RHOBTB2: variants seen among roughly 807,000 people sequenced by gnomAD.
RHOBTB2 encodes rho-related BTB domain-containing protein 2.
In RHOBTB2, 39 loss-of-function variants were observed where a neutral mutation model predicts 66.5. The ratio of observed to expected loss-of-function variants is 0.59; its 90% CI spans 0.45 to 0.77. RHOBTB2 has a LOEUF of 0.77. Ranked by LOEUF, RHOBTB2 falls within the 30% of genes least tolerant of loss-of-function variation. The pLI, the probability that RHOBTB2 is intolerant of heterozygous loss-of-function variation, is 0.00. For synonymous variants in RHOBTB2, 390 were observed against 395.0 expected (o/e 0.99, Z 0.15); for missense variants, 755 against 999.1 (o/e 0.76, Z 3.29).
upstream of RHOBTB2, among the ~76,000 whole-genome samples, chr8:22,986,195 G>C (rs1810285790): frequency 6.7e-6 from 1 of 150,116 alleles, no homozygotes; most frequent in Non-Finnish European, 1.5e-5. Flanking sequence ...TGAGGCACTT[G>C]GTAAGGGGTT....
At position 23,000,085 on chromosome 8, in the gene RHOBTB2, C is replaced by T; in HGVS notation, c.-31C>T. Reference sequence around the variant, plus strand: ...GAGATGTGTTCCTCACGCTAGAAGCCACCCCGTCACATGTAGTGGTGTAAG... The same window carrying T: ...GAGATGTGTTCCTCACGCTAGAAGCTACCCCGTCACATGTAGTGGTGTAAG... On this transcript the variant is annotated 5_prime_UTR_variant, in exon 1 of 10. Transcript: ENST00000251822. The T allele has an allele frequency of 1.0e-6, 1 of 985,470 alleles. No homozygotes were observed. The highest frequency in any genetic ancestry group is 1.7e-5 in the African/African-American group (1 of 57,358). 61.0% of individuals were successfully genotyped at this position (985,470 alleles called of 1,614,324 possible). A position where few individuals can be genotyped will look rare whatever the true frequency, so the allele number is the denominator to read the frequency against.
rs1266289437 is a variant in RHOBTB2, at chr8:23,018,614, G to A, written c.*1145G>A. ...GGGCAACACAGGGGCCTGGCCTCTA[G>A]AGGGCTGGTGATTGAGGGGCCCGGG... On this transcript the variant is annotated 3_prime_UTR_variant, in exon 10 of 10. Coordinates refer to ENST00000251822, the MANE Select transcript of RHOBTB2 (RefSeq NM_015178.3). 1 of 152,368 alleles carries A rather than the reference G, an allele frequency of 6.6e-6. No individual in the cohort carries two copies. The highest frequency in any genetic ancestry group is 1.9e-4 in the East Asian group (1 of 5,198). 9.4% of individuals were successfully genotyped at this position (152,368 alleles called of 1,614,324 possible).
rs114385344 is a variant in RHOBTB2 at position 23,019,339 on chromosome 8, A to G, written c.*1870A>G. ...ATGTTGTCCAGGCCCAGGCCCCTCC[A>G]GGACTGTGGCTGCCTCCCCTCCACG... On this transcript the variant is annotated 3_prime_UTR_variant, in exon 10 of 10. Transcript: ENST00000251822. The G allele has an allele frequency of 0.034, 5,129 of 153,018 alleles. 168 individuals carry two copies. Among genetic ancestry groups the G allele is most frequent in the African/African-American group, 0.09 (3,742 of 41,578 alleles). The allele number at this position is 153,018 out of a possible 1,614,324, so 9.5% of individuals were successfully genotyped here. A position where few individuals can be genotyped will look rare whatever the true frequency, so the allele number is the denominator to read the frequency against.
At chr8:22,958,630 C>G in the RHOBTB2 span, among the ~76,000 whole-genome samples, 2 of 151,592 alleles carry the variant, frequency 1.3e-5, no homozygotes, top group East Asian at 1.9e-4. Flanking sequence ...GAGACCCTGT[C>G]TCTACAAAAA....
In RHOBTB2 at chr8:23,004,242, G is replaced by T; in HGVS notation, c.-10-183G>T. On this transcript the variant is annotated intron_variant, in intron 1 of 9. Coordinates refer to ENST00000251822, the MANE Select transcript of RHOBTB2 (RefSeq NM_015178.3). This position sits in a 1 kb window ranked among gnomAD's most constrained non-coding sequence, Gnocchi z 6.4. Reference sequence around the variant, plus strand: ...ACACTGCTCCTCTCAGCCTGAATGGGCTCCTGGCCCCTTGGACCCTCGCAG... The same window carrying T: ...ACACTGCTCCTCTCAGCCTGAATGGTCTCCTGGCCCCTTGGACCCTCGCAG... 1.6e-6 allele frequency: 1 copy of T among 615,124 alleles called. No homozygotes were observed. 38.1% of individuals were successfully genotyped at this position (615,124 alleles called of 1,614,324 possible).
chr8:22,985,022 A>G (rs975755870), upstream of RHOBTB2: 7 of 152,002 alleles, frequency 4.6e-5, no homozygotes, highest in South Asian at 2.1e-4. Flanking sequence ...TCATTTTCCT[A>G]CCCCCACCCC....
rs1394591739 is a variant in RHOBTB2 at position 23,007,496 on chromosome 8, G to C, written c.1251G>C (p.Met417Ile). ...YKSRLMVVVK[M>I]DSSIQPGPFR... ...CCCGGCTGATGGTGGTGGTGAAGATGGACAGTTCCATCCAGCCGGGGCCCT... is the reference window on the plus strand; with the variant it reads ...CCCGGCTGATGGTGGTGGTGAAGATCGACAGTTCCATCCAGCCGGGGCCCT... Residue 417 changes from methionine (M) to isoleucine (I), a missense_variant, in exon 5 of 10, where the codon ATG becomes ATC. By Grantham distance (10) the Met-to-Ile change is conservative. Around this residue, in one of 7 missense-constraint regions of RHOBTB2, gnomAD observed 353 missense variants for 458.2 expected, o/e 0.77. Coordinates refer to ENST00000251822, the MANE Select transcript of RHOBTB2 (RefSeq NM_015178.3). The C allele has an allele frequency of 6.2e-7, 1 of 1,613,940 alleles. No individual in the cohort carries two copies. The highest frequency in any genetic ancestry group is 8.5e-7 in the Non-Finnish European group (1 of 1,179,958).
chr8:22,979,757 T>A, the RHOBTB2 span, among the ~76,000 whole-genome samples: 1 of 100,610 alleles, frequency 9.9e-6, no homozygotes, highest in Admixed American at 9.9e-5. Flanking sequence ...TTTTTTTTTT[T>A]TGGGACAGAG....
In RHOBTB2 at chr8:23,007,275, A is replaced by G. The variant is rs764632189; in HGVS notation, c.1030A>G (p.Ser344Gly). The G allele has an allele frequency of 1.2e-6, 2 of 1,613,504 alleles. No individual in the cohort carries two copies. Among genetic ancestry groups the G allele is most frequent in the Non-Finnish European group, 1.7e-6 (2 of 1,179,974 alleles). ...HGRDFLLRAA[S>G]FDVCESVDEA... ...GCGAGACTTCCTGCTCCGAGCAGCC[A>G]GCTTTGACGTGTGCGAGAGCGTGGA... is the stretch of plus-strand genomic sequence containing the variant. The change falls in exon 5 of 10, where the codon AGC becomes GGC. Residue 344 changes from serine to glycine, a missense_variant. By Grantham distance (56) the Ser-to-Gly change is moderately conservative (BLOSUM62 0). Transcript: ENST00000251822.
chr8:22,975,445 G>T, the RHOBTB2 span, among the ~76,000 whole-genome samples: 1 of 152,216 alleles, frequency 6.6e-6, no homozygotes, highest in African/African-American at 2.4e-5. Flanking sequence ...AGGAAGTGGA[G>T]AGGTGAGGCC....
chr8:23,012,348 AC>A (rs1213825688), intron 7 of RHOBTB2, among the ~76,000 whole-genome samples: 1 of 152,224 alleles, frequency 6.6e-6, no homozygotes, highest in African/African-American at 2.4e-5. Flanking sequence ...GTTAAACTAG[AC>A]TGCTGCATGG....
the RHOBTB2 span, among the ~76,000 whole-genome samples, chr8:22,965,363 A>G: frequency 6.6e-6 from 1 of 152,214 alleles, no homozygotes; most frequent in South Asian, 2.1e-4. Flanking sequence ...TACCAAATAA[A>G]TTTAATGATT....
chr8:22,973,637 T>C, the RHOBTB2 span, among the ~76,000 whole-genome samples: 1 of 152,016 alleles, frequency 6.6e-6, no homozygotes, highest in Non-Finnish European at 1.5e-5. Flanking sequence ...ACTTCCTCAC[T>C]GATGAAACGA....
chr8:22,954,273 G>A, the RHOBTB2 span, among the ~76,000 whole-genome samples: 8 of 152,334 alleles, frequency 5.3e-5, no homozygotes, highest in South Asian at 1.7e-3. Flanking sequence ...TCCACAGCAG[G>A]AAAGGGAATG....
At chr8:22,981,514 G>C in the RHOBTB2 span, among the ~76,000 whole-genome samples, 10 of 152,328 alleles carry the variant, frequency 6.6e-5, no homozygotes, top group Admixed American at 1.3e-4. Context: ...GGTTTTGAGA[G>C]CTGGGTCTTT....
chr8:22,969,985 T>G, the RHOBTB2 span, among the ~76,000 whole-genome samples: 1 of 151,892 alleles, frequency 6.6e-6, no homozygotes, highest in Non-Finnish European at 1.5e-5. Flanking sequence ...CACCTAGACT[T>G]AAGTGATCTG....
Position 23,007,040 on chromosome 8 carries a change from C to T in RHOBTB2, c.795C>T (p.Cys265=), listed in dbSNP as rs146706431. The T allele has an allele frequency of 8.0e-5, 128 of 1,609,162 alleles. No individual in the cohort carries two copies. In the African/African-American group the frequency reaches 1.5e-3, roughly 18 times the overall value. The change falls in exon 5 of 10, where the codon TGC becomes TGT. Residue 265 remains cysteine (C), a synonymous_variant. Coordinates refer to ENST00000251822, the MANE Select transcript of RHOBTB2 (RefSeq NM_015178.3). ...CCCACCTCCTGGAGGACCCGCTCTG[C>T]GCGGACGTCATCCTGGTGCTGCAGG... The part of the protein sequence containing the change: ...CPAHLLEDPL[C]ADVILVLQER...
At chr8:22,974,402 C>A in the RHOBTB2 span, among the ~76,000 whole-genome samples, 1 of 152,182 alleles carries the variant, frequency 6.6e-6, no homozygotes, top group Non-Finnish European at 1.5e-5. Flanking sequence ...AGGCAAAGTG[C>A]GGGGTGCAGG....
chr8:22,959,880 T>C, the RHOBTB2 span, among the ~76,000 whole-genome samples: 119,233 of 151,104 alleles, frequency 0.79, 47,160 homozygotes, highest in African/African-American at 0.84. Context: ...AGTTGAAATG[T>C]TGGCCGGGTG....
Sources: gnomAD v4.1 joint callset for allele counts (sites outside exome capture counted in the v4.1 genomes callset) on GRCh38, gnomAD v4.1.1 for gene constraint, gnomAD v4.1.1 regional missense constraint, Gnocchi (gnomAD v3.1) non-coding constraint, MANE v1.5 for transcripts, NCBI Gene and HGNC (gene_info 2026-07-23, HGNC 2026-07-21) for gene names.